RPS6KL1: variants seen among roughly 807,000 people sequenced by gnomAD.
RPS6KL1 encodes the protein ribosomal protein S6 kinase-like 1.
Under a neutral mutation model 57.0 loss-of-function variants are expected in RPS6KL1, and 41 were observed. That is an observed-to-expected ratio of 0.72 (90% CI 0.56 to 0.93). RPS6KL1 has a LOEUF of 0.93. RPS6KL1 is among the 40% of genes least tolerant of loss of function. RPS6KL1 has a pLI of 0.00. For synonymous variants in RPS6KL1, 287 were observed against 309.7 expected (o/e 0.93, Z 0.77); for missense variants, 697 against 727.7 (o/e 0.96, Z 0.49).
At chr14:74,914,027 C>T (rs2140302840) in intron 5 of RPS6KL1, among the ~76,000 whole-genome samples, 1 of 152,374 alleles carries the variant, frequency 6.6e-6, no homozygotes, top group African/African-American at 2.4e-5. Flanking sequence ...GCAGACTTTA[C>T]TGGAACTGGG....
At chr14:74,918,700 G>T in intron 4 of RPS6KL1, 95 bp from the exon 5 acceptor site, 2 of 927,366 alleles carry the variant, frequency 2.2e-6, no homozygotes, top group Non-Finnish European at 3.2e-6. Flanking sequence ...GCTTCTGGAT[G>T]CAAGGAGAAC....
chr14:74,909,321 G>T, intron 8 of RPS6KL1, 131 bp from the exon 9 acceptor site: 1 of 1,033,076 alleles, frequency 9.7e-7, no homozygotes, highest in Non-Finnish European at 1.5e-6. Context: ...CTCGGCAGGG[G>T]CACAGCACCC....
intron 8 of RPS6KL1, 49 bp downstream of exon 8, chr14:74,909,494 C>T (rs1484123418): frequency 6.5e-7 from 1 of 1,541,066 alleles, no homozygotes; most frequent in Non-Finnish European, 8.7e-7. Context: ...TCGTCCTCTG[C>T]CTGGACGCTT....
rs1887251407 is a variant in RPS6KL1 at position 74,918,543 on chromosome 14, C to T, written c.453G>A (p.Arg151=). 1 of 1,534,458 alleles carries T rather than the reference C, an allele frequency of 6.5e-7. No homozygotes were observed. The highest frequency in any genetic ancestry group is 1.4e-5 in the African/African-American group (1 of 73,034). ...RTLSSAVEQL[R]GCRVVGVIEK... ...CGATGACCCCGACCACCCTGCAGCC[C>T]CTCAGCTGCTCCACGGCAGAGCTCA... Residue 151 remains arginine (R), a synonymous_variant, in exon 5 of 12, where the codon AGG becomes AGA. Transcript: ENST00000557413.
chr14:74,910,843 C>G, intron 7 of RPS6KL1: 1 of 220,502 alleles, frequency 4.5e-6, no homozygotes, highest in South Asian at 6.8e-5. Flanking sequence ...ACATCTGGTG[C>G]AAGCTCCGCC....
chr14:74,913,314 TG>T (rs1886325774), intron 5 of RPS6KL1, among the ~76,000 whole-genome samples: 1 of 152,066 alleles, frequency 6.6e-6, no homozygotes, highest in Admixed American at 6.5e-5. Context: ...CCCTGTAATT[TG>T]GGAGGCCAAG....
At chr14:74,920,454 G>C (rs1324383653) in intron 3 of RPS6KL1, among the ~76,000 whole-genome samples, 1 of 152,210 alleles carries the variant, frequency 6.6e-6, no homozygotes, top group Non-Finnish European at 1.5e-5. Context: ...CAGAGGGCAG[G>C]AAGGGCCCAG....
intron 5 of RPS6KL1, among the ~76,000 whole-genome samples, chr14:74,916,273 A>G (rs1886829007): frequency 6.6e-6 from 1 of 152,196 alleles, no homozygotes; most frequent in African/African-American, 2.4e-5. Flanking sequence ...ATTTGAGGAA[A>G]GTGATGCTCC....
chr14:74,921,951 G>T (rs1887933148), intron 2 of RPS6KL1, 27 bp downstream of exon 2: 1 of 263,704 alleles, frequency 3.8e-6, no homozygotes, highest in Non-Finnish European at 6.9e-6. Context: ...GCTATGTTTT[G>T]TATTTGTAGT....
At position 74,911,363 on chromosome 14, in the gene RPS6KL1, G is replaced by A. The variant is rs1455618007; in HGVS notation, c.549C>T (p.His183=). 1 of 1,608,060 alleles carries A rather than the reference G, an allele frequency of 6.2e-7. No homozygotes were observed. Among genetic ancestry groups the A allele is most frequent in the Non-Finnish European group, 8.5e-7 (1 of 1,179,254 alleles). ...TFVVKSLPRC[H]MVSRERLTII... ...TGGTCAGCCGCTCCCTGCTCACCAT[G>A]TGGCACCTGGGTAGGCTCTGGGAGC... Residue 183 remains histidine (H), a synonymous_variant, in exon 7 of 12, where the codon CAC becomes CAT. Coordinates refer to ENST00000557413, the MANE Select transcript of RPS6KL1 (RefSeq NM_031464.5).
In RPS6KL1 at chr14:74,910,886, T is replaced by G. The variant is rs1885828392; in HGVS notation, c.664+362A>C. 1.6e-5 allele frequency: 3 copies of G among 181,976 alleles called. No individual in the cohort carries two copies. In the South Asian group the frequency reaches 3.5e-4, roughly 21 times the overall value. 11.3% of individuals were successfully genotyped at this position (181,976 alleles called of 1,614,324 possible). ...AGGGCTCAGCTTTTTTTTTTTTTTTTTTTGAGGCGGAGTCTTGCTCTGCTG... is the reference window on the plus strand; with the variant it reads ...AGGGCTCAGCTTTTTTTTTTTTTTTGTTTGAGGCGGAGTCTTGCTCTGCTG... On this transcript the variant is annotated intron_variant, in intron 7 of 11. Coordinates refer to ENST00000557413, the MANE Select transcript of RPS6KL1 (RefSeq NM_031464.5).
At chr14:74,922,733 C>A (rs1888038131) in intron 1 of RPS6KL1, among the ~76,000 whole-genome samples, 1 of 152,222 alleles carries the variant, frequency 6.6e-6, no homozygotes, top group Non-Finnish European at 1.5e-5. Context: ...CACAAAGCTA[C>A]CCCGCCTTTG....
At chr14:74,911,035 C>T (rs1885862301) in intron 7 of RPS6KL1, 1 of 476,366 alleles carries the variant, frequency 2.1e-6, no homozygotes, top group South Asian at 2.0e-5. Context: ...GCACACCTGG[C>T]TAGTTTTTGT....
chr14:74,906,659 A>C lies in RPS6KL1; in HGVS notation c.*355T>G. On this transcript the variant is annotated 3_prime_UTR_variant, in exon 12 of 12. Transcript: ENST00000557413. ...CAACATGGCAGTGAGTGAGTCACAG[A>C]ACCTCACAGTAGGGTGCAGCAGGTG... The C allele has an allele frequency of 1.9e-6, 1 of 534,378 alleles. No homozygotes were observed. Among genetic ancestry groups the C allele is most frequent in the Non-Finnish European group, 3.8e-6 (1 of 263,662 alleles). The allele number at this position is 534,378 out of a possible 1,614,324, so 33.1% of individuals were successfully genotyped here.
At chr14:74,911,870 GGC>G in intron 5 of RPS6KL1, 29 bp from the exon 6 acceptor site, 1 of 1,549,536 alleles carries the variant, frequency 6.5e-7, no homozygotes, top group Non-Finnish European at 8.7e-7. Flanking sequence ...CACTGGTTAA[GGC>G]AGGTACTAGC....
At position 74,906,927 on chromosome 14, in the gene RPS6KL1, T is replaced by TTGAG. The variant is rs2140237289; in HGVS notation, c.*86_*87insCTCA. 9.3e-7 allele frequency: 1 copy of TTGAG among 1,074,768 alleles called. No homozygotes were observed. Among genetic ancestry groups the TTGAG allele is most frequent in the Non-Finnish European group, 1.4e-6 (1 of 694,710 alleles). The allele number at this position is 1,074,768 out of a possible 1,614,324, so 66.6% of individuals were successfully genotyped here. On this transcript the variant is annotated 3_prime_UTR_variant, in exon 12 of 12. Coordinates refer to ENST00000557413, the MANE Select transcript of RPS6KL1 (RefSeq NM_031464.5). Reference sequence around the variant, plus strand: ...CCATTCCTCGCCCAAAGCCCGCTGATAGAGGGCCAGCCCTGGGTTGGGTGT... The same window carrying TTGAG: ...CCATTCCTCGCCCAAAGCCCGCTGATTGAGAGAGGGCCAGCCCTGGGTTGGGTGT...
At position 74,907,529 on chromosome 14, in the gene RPS6KL1, G is replaced by T. The variant is rs1290464834; in HGVS notation, c.1445C>A (p.Ala482Glu). 3 of 1,571,540 alleles carry T rather than the reference G, an allele frequency of 1.9e-6. No individual in the cohort carries two copies. In the Admixed American group the frequency reaches 5.6e-5, roughly 29 times the overall value. Residue 482 changes from alanine (A) to glutamate (E), a missense_variant and splice_region_variant, in exon 11 of 12, where the codon GCA becomes GAA. Transcript: ENST00000557413. ...SLLYELLTGM[A>E]LSQSHPSGIQ... The stretch of plus-strand genomic sequence containing the variant: ...TCCTGAAGGGTGGCTCTGGGACAGT[G>T]CCTGGGAGGACACAGGGAAGGGCCT...
intron 3 of RPS6KL1, 42 bp downstream of exon 3, chr14:74,921,235 C>G: frequency 1.1e-6 from 1 of 883,510 alleles, no homozygotes. Flanking sequence ...CTGCACTGGC[C>G]CTTCCCCACC....
chr14:74,920,097 C>T, intron 3 of RPS6KL1, 128 bp from the exon 4 acceptor site: 1 of 1,243,260 alleles, frequency 8.0e-7, no homozygotes. Flanking sequence ...TCGGCAGATT[C>T]TGCCCCCAGA....
Sources: allele counts gnomAD v4.1 joint callset (sites outside exome capture counted in the v4.1 genomes callset), GRCh38; gene constraint gnomAD v4.1.1; transcripts MANE v1.5; gene names NCBI Gene and HGNC (gene_info 2026-07-23, HGNC 2026-07-21).